UQCRB: variants seen among roughly 807,000 people sequenced by gnomAD.
The protein encoded by UQCRB is ubiquinol-cytochrome c reductase binding protein.
Under a neutral mutation model 19.8 loss-of-function variants are expected in UQCRB, and 12 were observed. The ratio of observed to expected loss-of-function variants is 0.61; its 90% CI spans 0.39 to 0.98. UQCRB has a LOEUF of 0.98. UQCRB is among the 50% of genes least tolerant of loss of function. The probability of loss-of-function intolerance (pLI) is 0.00; values close to 1 mark genes in which losing one functional copy is unlikely to be tolerated. For missense variants in UQCRB, 142 were observed against 131.8 expected (o/e 1.08, Z -0.38); for synonymous variants, 39 against 42.9 (o/e 0.91, Z 0.35).
chr8:96,228,839 T>C lies in UQCRB; in HGVS notation c.*2216A>G, dbSNP rs1325983022. 4.4e-6 allele frequency: 2 copies of C among 453,962 alleles called. No individual in the cohort carries two copies. Among genetic ancestry groups the C allele is most frequent in the East Asian group, 6.9e-5 (1 of 14,390 alleles). 28.1% of individuals were successfully genotyped at this position (453,962 alleles called of 1,614,324 possible). On this transcript the variant is annotated 3_prime_UTR_variant, in exon 4 of 4. Coordinates refer to ENST00000287022, the MANE Select transcript of UQCRB (RefSeq NM_006294.5). ...CTCTACCATTCGGTCTACAGGACAA[T>C]GTAGACCAGACTACAGGACAATGTA...
At chr8:96,232,263 A>C (rs1175941383) in intron 2 of UQCRB, 3 of 296,472 alleles carry the variant, frequency 1.0e-5, no homozygotes, top group Non-Finnish European at 1.9e-5. Context: ...AAAATATTTT[A>C]AATGTTTACT....
In UQCRB at chr8:96,227,945, A is replaced by G. The variant is rs1377795035; in HGVS notation, c.*3110T>C. On this transcript the variant is annotated 3_prime_UTR_variant, in exon 4 of 4. Coordinates refer to ENST00000287022, the MANE Select transcript of UQCRB (RefSeq NM_006294.5). ...GTACCACTCGTAGAGCGTCACATAA[A>G]TATTCAGACCATGATAACTCAGTGC... 4.4e-6 allele frequency: 2 copies of G among 454,150 alleles called. No individual in the cohort carries two copies. Among genetic ancestry groups the G allele is most frequent in the South Asian group, 3.1e-5 (2 of 64,478 alleles). The allele number at this position is 454,150 out of a possible 1,614,324, so 28.1% of individuals were successfully genotyped here. A position where few individuals can be genotyped will look rare whatever the true frequency, so the allele number is the denominator to read the frequency against.
Position 96,229,519 on chromosome 8 carries a change from A to G in UQCRB, c.*1536T>C. ...CAGAGTCCTGCAAACGTGATCTTGAAATCACTATTAAAAGAGCCTTTGCAG... is the reference window on the plus strand; with the variant it reads ...CAGAGTCCTGCAAACGTGATCTTGAGATCACTATTAAAAGAGCCTTTGCAG... On this transcript the variant is annotated 3_prime_UTR_variant, in exon 4 of 4. Coordinates refer to ENST00000287022, the MANE Select transcript of UQCRB (RefSeq NM_006294.5). 1 of 454,096 alleles carries G rather than the reference A, an allele frequency of 2.2e-6. No individual in the cohort carries two copies. 28.1% of individuals were successfully genotyped at this position (454,096 alleles called of 1,614,324 possible). A position where few individuals can be genotyped will look rare whatever the true frequency, so the allele number is the denominator to read the frequency against.
Position 96,224,343 on chromosome 8 carries a change from A to G in UQCRB, c.*6712T>C, listed in dbSNP as rs927614805. On this transcript the variant is annotated 3_prime_UTR_variant, in exon 4 of 4. Transcript: ENST00000287022. Reference sequence around the variant, plus strand: ...TTCAGAGGAACGTGGGCTGGGGAATAAATATCTCTGTCTCTCTCATCTGCC... The same window carrying G: ...TTCAGAGGAACGTGGGCTGGGGAATGAATATCTCTGTCTCTCTCATCTGCC... Among the ~76,000 whole-genome samples, 10 of 152,130 alleles carry G rather than the reference A, an allele frequency of 6.6e-5. No homozygotes were observed. Among genetic ancestry groups the G allele is most frequent in the Admixed American group, 5.2e-4 (8 of 15,274 alleles).
rs747896160 is a variant in UQCRB, at chr8:96,227,411, G to A, written c.*3644C>T. ...CTAAGTTGTAAAGTTATAGGGCATC[G>A]CCACCTAGTGGCAGAATTTCATGCC... is the stretch of plus-strand genomic sequence containing the variant. On this transcript the variant is annotated 3_prime_UTR_variant, in exon 4 of 4. Coordinates refer to ENST00000287022, the MANE Select transcript of UQCRB (RefSeq NM_006294.5). 5 of 454,046 alleles carry A rather than the reference G, an allele frequency of 1.1e-5. No individual in the cohort carries two copies. Among genetic ancestry groups the A allele is most frequent in the South Asian group, 6.2e-5 (4 of 64,472 alleles). The allele number at this position is 454,046 out of a possible 1,614,324, so 28.1% of individuals were successfully genotyped here.
rs1422147181 is a variant in UQCRB at position 96,227,342 on chromosome 8, G to C, written c.*3713C>G. ...ATGAAGGAGGGGAGGGAGTTGGTGG[G>C]GCGCAGAATGGAGAAATCTTCCATA... On this transcript the variant is annotated 3_prime_UTR_variant, in exon 4 of 4. Transcript: ENST00000287022. 2.2e-6 allele frequency: 1 copy of C among 454,102 alleles called. No homozygotes were observed. The highest frequency in any genetic ancestry group is 2.3e-5 in the Admixed American group (1 of 42,574). 28.1% of individuals were successfully genotyped at this position (454,102 alleles called of 1,614,324 possible).
rs1809490835 is a variant in UQCRB, at chr8:96,224,202, A to G, written c.*6853T>C. Reference sequence around the variant, plus strand: ...ATGTCCAATGAAGGGACAATTAACAAACGGCAGGCAAGGTCAAGGAGAACC... The same window carrying G: ...ATGTCCAATGAAGGGACAATTAACAGACGGCAGGCAAGGTCAAGGAGAACC... On this transcript the variant is annotated 3_prime_UTR_variant, in exon 4 of 4. Coordinates refer to ENST00000287022, the MANE Select transcript of UQCRB (RefSeq NM_006294.5). 6.6e-6 allele frequency among the ~76,000 whole-genome samples: 1 copy of G among 152,182 alleles called. No homozygotes were observed. The highest frequency in any genetic ancestry group is 1.5e-5 in the Non-Finnish European group (1 of 68,020).
At chr8:96,232,252 C>A in intron 2 of UQCRB, 1 of 306,388 alleles carries the variant, frequency 3.3e-6, no homozygotes, top group Non-Finnish European at 6.2e-6. Flanking sequence ...AAACCATTTA[C>A]AAAATATTTT....
chr8:96,226,060 G>T lies in UQCRB; in HGVS notation c.*4995C>A, dbSNP rs1341445995. Reference sequence around the variant, plus strand: ...AAATATCCTGTAACACACAGAGGAGGCCCCCACAACAAAGAATTATCTAGC... The same window carrying T: ...AAATATCCTGTAACACACAGAGGAGTCCCCCACAACAAAGAATTATCTAGC... On this transcript the variant is annotated 3_prime_UTR_variant, in exon 4 of 4. Transcript: ENST00000287022. The T allele has an allele frequency of 6.6e-6, 1 of 152,174 alleles. No homozygotes were observed. Among genetic ancestry groups the T allele is most frequent in the Non-Finnish European group, 1.5e-5 (1 of 68,048 alleles). 9.4% of individuals were successfully genotyped at this position (152,174 alleles called of 1,614,324 possible). A position where few individuals can be genotyped will look rare whatever the true frequency, so the allele number is the denominator to read the frequency against.
chr8:96,230,643 A>G lies in UQCRB; in HGVS notation c.*412T>C, dbSNP rs1435482144. 1.5e-5 allele frequency: 7 copies of G among 458,714 alleles called. No individual in the cohort carries two copies. The highest frequency in any genetic ancestry group is 1.4e-4 in the Admixed American group (6 of 42,676). The allele number at this position is 458,714 out of a possible 1,614,324, so 28.4% of individuals were successfully genotyped here. On this transcript the variant is annotated 3_prime_UTR_variant, in exon 4 of 4. Transcript: ENST00000287022. ...TTTCTTTTTAAATGATAGGATGCAA[A>G]ATCAAATCTGTTTGCATACCAGTGA...
chr8:96,232,231 A>G (rs1396012641), intron 2 of UQCRB: 2 of 360,240 alleles, frequency 5.6e-6, no homozygotes, highest in South Asian at 3.3e-5. Flanking sequence ...CACAAAATTC[A>G]TATTTTATCT....
Position 96,229,102 on chromosome 8 carries a change from C to T in UQCRB, c.*1953G>A, listed in dbSNP as rs1809596697. On this transcript the variant is annotated 3_prime_UTR_variant, in exon 4 of 4. Coordinates refer to ENST00000287022, the MANE Select transcript of UQCRB (RefSeq NM_006294.5). ...TTTATAATGAACACAAAACATTGATCTAGTGTTCAAAGAACTTTTGCACAC... is the reference window on the plus strand; with the variant it reads ...TTTATAATGAACACAAAACATTGATTTAGTGTTCAAAGAACTTTTGCACAC... 2 of 453,910 alleles carry T rather than the reference C, an allele frequency of 4.4e-6. No individual in the cohort carries two copies. Among genetic ancestry groups the T allele is most frequent in the Non-Finnish European group, 8.8e-6 (2 of 226,752 alleles). The allele number at this position is 453,910 out of a possible 1,614,324, so 28.1% of individuals were successfully genotyped here. A position where few individuals can be genotyped will look rare whatever the true frequency, so the allele number is the denominator to read the frequency against.
rs1332150077 is a variant in UQCRB at position 96,228,246 on chromosome 8, C to CA, written c.*2808dup. ...AAAACTGTATATTCAAAACCAATCT[C>CA]AAACTTTAAACAACAAAAGATATCA... On this transcript the variant is annotated 3_prime_UTR_variant, in exon 4 of 4. Coordinates refer to ENST00000287022, the MANE Select transcript of UQCRB (RefSeq NM_006294.5). 4.4e-6 allele frequency: 2 copies of CA among 453,966 alleles called. No individual in the cohort carries two copies. The highest frequency in any genetic ancestry group is 8.8e-6 in the Non-Finnish European group (2 of 226,776). 28.1% of individuals were successfully genotyped at this position (453,966 alleles called of 1,614,324 possible).
At chr8:96,232,669 A>C (rs1809703636) in intron 2 of UQCRB, 1 of 163,994 alleles carries the variant, frequency 6.1e-6, no homozygotes, top group Admixed American at 6.1e-5. Flanking sequence ...CCCCGTCTCT[A>C]CTACATACAA....
Position 96,225,439 on chromosome 8 carries a change from C to T in UQCRB, c.*5616G>A, listed in dbSNP as rs1177359244. Reference sequence around the variant, plus strand: ...AACTTCAAATATTCATCCCCTTTGCCCCAACATTTTCACTTCCCAGAATCT... The same window carrying T: ...AACTTCAAATATTCATCCCCTTTGCTCCAACATTTTCACTTCCCAGAATCT... On this transcript the variant is annotated 3_prime_UTR_variant, in exon 4 of 4. Transcript: ENST00000287022. 2.6e-5 allele frequency among the ~76,000 whole-genome samples: 4 copies of T among 152,038 alleles called. No individual in the cohort carries two copies. Among genetic ancestry groups the T allele is most frequent in the Non-Finnish European group, 5.9e-5 (4 of 68,012 alleles).
Position 96,226,679 on chromosome 8 carries a change from T to G in UQCRB, c.*4376A>C, listed in dbSNP as rs1238026040. ...ACAGAACAATTATTCAACTGGATAA[T>G]GTTACCAGAAGTTTTCAGGGGTTTA... On this transcript the variant is annotated 3_prime_UTR_variant, in exon 4 of 4. Transcript: ENST00000287022. 1 of 333,294 alleles carries G rather than the reference T, an allele frequency of 3.0e-6. No homozygotes were observed. The highest frequency in any genetic ancestry group is 2.5e-5 in the South Asian group (1 of 39,794). The allele number at this position is 333,294 out of a possible 1,614,324, so 20.6% of individuals were successfully genotyped here.
chr8:96,231,806 A>G lies in UQCRB; in HGVS notation c.226T>C (p.Leu76=), dbSNP rs758045138. ...TATTTGGTCCACTGCTCTTTAGGCA[A>G]GATCTGATGCTTCAAGTTCAGGTCC... ...ALDLNLKHQI[L]PKEQWTKYEE... The change falls in exon 3 of 4, where the codon TTG becomes CTG. Residue 76 remains leucine, a synonymous_variant. Transcript: ENST00000287022. 12 of 1,614,062 alleles carry G rather than the reference A, an allele frequency of 7.4e-6. No individual in the cohort carries two copies. Among genetic ancestry groups the G allele is most frequent in the Non-Finnish European group, 1.0e-5 (12 of 1,180,040 alleles).
At position 96,223,627 on chromosome 8, in the gene UQCRB, T is replaced by G. The variant is rs1264880022; in HGVS notation, c.*7428A>C. The stretch of plus-strand genomic sequence containing the variant: ...AGTAGGCAGAATTTAATTTTTGTCT[T>G]AAAGTAAAGCTAGAATTTAGACAGA... On this transcript the variant is annotated 3_prime_UTR_variant, in exon 4 of 4. Transcript: ENST00000287022. Among the ~76,000 whole-genome samples the G allele has an allele frequency of 7.3e-6, 1 of 137,750 alleles. No individual in the cohort carries two copies. The allele number at this position is 137,750 out of a possible 152,430, so 90.4% of individuals were successfully genotyped here.
At chr8:96,232,123 G>GT (rs1193859309) in intron 2 of UQCRB, 183 bp from the exon 3 acceptor site, 2 of 633,232 alleles carry the variant, frequency 3.2e-6, no homozygotes, top group Non-Finnish European at 5.5e-6. Flanking sequence ...AGTAATTGCA[G>GT]TTTTGCCATT....
Sources: allele counts gnomAD v4.1 joint callset (sites outside exome capture counted in the v4.1 genomes callset), GRCh38; gene constraint gnomAD v4.1.1; transcripts MANE v1.5; gene names NCBI Gene and HGNC (gene_info 2026-07-23, HGNC 2026-07-21).